Variants in DOCK3 observed in about 807,000 individuals in gnomAD.
DOCK3 encodes the protein dedicator of cytokinesis 3.
A neutral mutation model predicts 265.6 loss-of-function variants in DOCK3; 60 were observed. That is an observed-to-expected ratio of 0.23 (90% CI 0.18 to 0.28). The LOEUF is 0.28. DOCK3 is among the 10% of genes least tolerant of loss of function. The pLI, the probability that DOCK3 is intolerant of heterozygous loss-of-function variation, is 1.00. For synonymous variants in DOCK3, 881 were observed against 938.0 expected (o/e 0.94, Z 1.11); for missense variants, 1,981 against 2,594.3 (o/e 0.76, Z 5.14).
intron 3 of DOCK3, among the ~76,000 whole-genome samples, chr3:50,857,063 G>C (rs577298357): frequency 6.6e-6 from 1 of 152,066 alleles, no homozygotes; most frequent in Non-Finnish European, 1.5e-5. Context: ...TGCGCTGCTC[G>C]ATTCAGTTTG....
At chr3:51,092,252 A>G (rs2082666274) in intron 9 of DOCK3, among the ~76,000 whole-genome samples, 1 of 152,212 alleles carries the variant, frequency 6.6e-6, no homozygotes, top group Non-Finnish European at 1.5e-5. Flanking sequence ...AGCAAACTAA[A>G]AGATTCACTG....
At chr3:51,327,274 A>G (rs970221961) in intron 32 of DOCK3, among the ~76,000 whole-genome samples, 12 of 152,164 alleles carry the variant, frequency 7.9e-5, no homozygotes, top group African/African-American at 2.7e-4. Flanking sequence ...CAAAACTAGC[A>G]TTTATTGAGT....
intron 3 of DOCK3, among the ~76,000 whole-genome samples, chr3:50,862,579 G>A (rs1334414353): frequency 6.6e-6 from 1 of 152,172 alleles, no homozygotes; most frequent in Non-Finnish European, 1.5e-5. Flanking sequence ...AATGCAGTCT[G>A]CTTCCCTATC....
At chr3:51,054,588 C>T (rs2081129690) in intron 5 of DOCK3, among the ~76,000 whole-genome samples, 1 of 152,134 alleles carries the variant, frequency 6.6e-6, no homozygotes, top group Non-Finnish European at 1.5e-5. Flanking sequence ...CTTCCTAGAA[C>T]CCTTTGATTA....
At position 51,266,981 on chromosome 3, in the gene DOCK3, G is replaced by GA. The variant is rs776467829; in HGVS notation, c.2356-3828dup. Among the ~76,000 whole-genome samples the GA allele has an allele frequency of 3.3e-5, 5 of 151,822 alleles. No individual in the cohort carries two copies. The East Asian group carries it at 7.7e-4, about 24-fold the overall frequency. On this transcript the variant is annotated intron_variant, in intron 23 of 52. Transcript: ENST00000266037. ...ACAAAGAACTTAAACAAATTTACAAGAAAAAACCATCAAAAAGTGGGCGAA... is the reference window on the plus strand; with the variant it reads ...ACAAAGAACTTAAACAAATTTACAAGAAAAAAACCATCAAAAAGTGGGCGAA...
At chr3:50,814,615 C>T (rs887806624) in intron 2 of DOCK3, among the ~76,000 whole-genome samples, 1 of 152,048 alleles carries the variant, frequency 6.6e-6, no homozygotes, top group Non-Finnish European at 1.5e-5. Context: ...AATTTGCTCA[C>T]TAATGTTTCT....
intron 37 of DOCK3, among the ~76,000 whole-genome samples, chr3:51,339,514 C>G (rs2085094555): frequency 6.6e-6 from 1 of 152,324 alleles, no homozygotes; most frequent in African/African-American, 2.4e-5. Context: ...GCATAGCAGC[C>G]TCACATTGTG....
intron 1 of DOCK3, among the ~76,000 whole-genome samples, chr3:50,764,115 T>C (rs2040707442): frequency 1.3e-5 from 2 of 152,352 alleles, no homozygotes; most frequent in South Asian, 4.1e-4. Context: ...TGTGATGAGA[T>C]GTTGTATTAC....
chr3:50,932,335 C>A (rs143551359), intron 4 of DOCK3, among the ~76,000 whole-genome samples: 1 of 152,060 alleles, frequency 6.6e-6, no homozygotes, highest in East Asian at 1.9e-4. Context: ...CAGCTGTCTT[C>A]TTGTGGAAAC....
At chr3:51,367,051 T>C (rs1042122481) in intron 49 of DOCK3, among the ~76,000 whole-genome samples, 1 of 152,194 alleles carries the variant, frequency 6.6e-6, no homozygotes, top group Non-Finnish European at 1.5e-5. Context: ...TCTTGTTAAC[T>C]TTCTGTCTCA....
intron 35 of DOCK3, 134 bp from the exon 36 acceptor site, chr3:51,338,225 A>G: frequency 2.2e-6 from 2 of 899,416 alleles, no homozygotes; most frequent in Non-Finnish European, 3.5e-6. Context: ...GTCCTTATCT[A>G]TGGAAGCAGT....
At chr3:51,225,435 C>A (rs922188476) in intron 14 of DOCK3, among the ~76,000 whole-genome samples, 1 of 152,140 alleles carries the variant, frequency 6.6e-6, no homozygotes, top group Non-Finnish European at 1.5e-5. Context: ...GTGTGGTGAA[C>A]ATCTTTAGAA....
intron 32 of DOCK3, among the ~76,000 whole-genome samples, chr3:51,318,628 C>A (rs1301661979): frequency 1.3e-5 from 2 of 151,706 alleles, no homozygotes; most frequent in Admixed American, 1.3e-4. Flanking sequence ...AAGTATGCAG[C>A]ATTTCAAAAA....
chr3:50,699,357 A>G (rs979428982), intron 1 of DOCK3, among the ~76,000 whole-genome samples: 4 of 152,172 alleles, frequency 2.6e-5, no homozygotes, highest in Admixed American at 2.6e-4. Flanking sequence ...GAGCCTTCCA[A>G]CTTTGTGCTT....
chr3:51,100,798 C>CTTT (rs60941495), intron 9 of DOCK3, among the ~76,000 whole-genome samples: 1 of 143,454 alleles, frequency 7.0e-6, no homozygotes, highest in Non-Finnish European at 1.5e-5. Context: ...TTTAATTTAT[C>CTTT]TTTTTTTTTT....
At chr3:50,944,581 C>T (rs544181965) in intron 5 of DOCK3, among the ~76,000 whole-genome samples, 8 of 152,200 alleles carry the variant, frequency 5.3e-5, no homozygotes, top group Admixed American at 2.0e-4. Context: ...ATTTATTACC[C>T]AGAATCATCT....
At chr3:51,001,188 A>G (rs1293840174) in intron 5 of DOCK3, among the ~76,000 whole-genome samples, 2 of 152,224 alleles carry the variant, frequency 1.3e-5, no homozygotes, top group Non-Finnish European at 2.9e-5. Context: ...AACATTTTGA[A>G]TTAATAGATT....
intron 27 of DOCK3, among the ~76,000 whole-genome samples, chr3:51,292,144 A>T (rs965099532): frequency 6.6e-6 from 1 of 152,248 alleles, no homozygotes; most frequent in Non-Finnish European, 1.5e-5. Context: ...CACACTCAAC[A>T]GTGAAAAACT....
chr3:51,160,287 C>CA (rs2086064989), intron 11 of DOCK3, among the ~76,000 whole-genome samples: 1 of 152,196 alleles, frequency 6.6e-6, no homozygotes, highest in Admixed American at 6.5e-5. Context: ...CTTTTATTCT[C>CA]ATGTGATTAA....
Sources: allele counts gnomAD v4.1 joint callset (sites outside exome capture counted in the v4.1 genomes callset), GRCh38; gene constraint gnomAD v4.1.1; transcripts MANE v1.5; gene names NCBI Gene and HGNC (gene_info 2026-07-23, HGNC 2026-07-21).